Variants in TPTE2 observed in about 807,000 individuals in gnomAD.
TPTE2 encodes the protein phosphatidylinositol 3,4,5-trisphosphate 3-phosphatase TPTE2.
In TPTE2, 53 loss-of-function variants were observed where a neutral mutation model predicts 78.6. The ratio of observed to expected loss-of-function variants is 0.67; its 90% confidence interval spans 0.54 to 0.85. The LOEUF (loss-of-function observed/expected upper bound fraction) is 0.85, where lower values mean the gene tolerates loss of function less well. TPTE2 is among the 40% of genes least tolerant of loss of function. The pLI is 0.00. For synonymous variants in TPTE2, 175 were observed against 206.2 expected (o/e 0.85, Z 1.30); for missense variants, 461 against 623.0 (o/e 0.74, Z 2.77).
chr13:19,520,820 G>A (rs1870102585), intron 1 of TPTE2, among the ~76,000 whole-genome samples: 2 of 151,884 alleles, frequency 1.3e-5, no homozygotes, highest in South Asian at 2.1e-4. Context: ...CTCAAAATAT[G>A]TTCTGATTTC....
At chr13:19,558,482 C>T in the TPTE2 span, among the ~76,000 whole-genome samples, 1 of 152,172 alleles carries the variant, frequency 6.6e-6, no homozygotes, top group Admixed American at 6.6e-5. Flanking sequence ...TGTTGCACCT[C>T]GACAAGTGAA....
intron 1 of TPTE2, among the ~76,000 whole-genome samples, chr13:19,519,511 C>T (rs1033201143): frequency 3.9e-5 from 6 of 152,252 alleles, no homozygotes; most frequent in Non-Finnish European, 7.4e-5. Context: ...GATCCAGTTG[C>T]TCCAGCACCA....
chr13:19,464,598 T>A, intron 9 of TPTE2, 78 bp from the exon 13 acceptor site: 1 of 1,478,038 alleles, frequency 6.8e-7, no homozygotes, highest in South Asian at 1.3e-5. Context: ...TTATACATGA[T>A]CAGACTCCAT....
intron 13 of TPTE2, among the ~76,000 whole-genome samples, chr13:19,441,446 GA>G (rs200401914): frequency 4.0e-5 from 6 of 150,226 alleles, no homozygotes; most frequent in Non-Finnish European, 4.5e-5. Context: ...AGCTCAAAAA[GA>G]AAAAAAAGTA....
At chr13:19,515,400 C>A (rs774332510) in intron 1 of TPTE2, among the ~76,000 whole-genome samples, 55 of 152,266 alleles carry the variant, frequency 3.6e-4, no homozygotes, top group Non-Finnish European at 6.9e-4. Context: ...GAAAAGTTCT[C>A]CTACACAAAC....
rs1263909679 is a variant in TPTE2 at position 19,535,607 on chromosome 13, T to C, written c.-44+989A>G. 8.1e-6 allele frequency among the ~76,000 whole-genome samples: 1 copy of C among 123,124 alleles called. No individual in the cohort carries two copies. The highest frequency in any genetic ancestry group is 2.4e-4 in the East Asian group (1 of 4,112). 80.8% of individuals were successfully genotyped at this position (123,124 alleles called of 152,430 possible). A position where few individuals can be genotyped will look rare whatever the true frequency, so the allele number is the denominator to read the frequency against. Reference sequence around the variant, plus strand: ...GTTCTAAGTAATACTATCTCCAGGATTTTCTTATTTATTTATTTATTTATT... The same window carrying C: ...GTTCTAAGTAATACTATCTCCAGGACTTTCTTATTTATTTATTTATTTATT... On this transcript the variant is annotated intron_variant, in intron 1 of 17. Transcript: ENST00000390680. The surrounding 1 kb of genome is among the most constrained non-coding windows in gnomAD (Gnocchi z 5.1).
At chr13:19,426,595 T>A in intron 17 of TPTE2, 78 bp from the exon 21 acceptor site, 1 of 807,176 alleles carries the variant, frequency 1.2e-6, no homozygotes, top group Admixed American at 2.0e-5. Flanking sequence ...TATCATGACT[T>A]CCTGTATTTA....
chr13:19,456,019 T>C (rs1878517769), intron 10 of TPTE2, among the ~76,000 whole-genome samples: 1 of 152,176 alleles, frequency 6.6e-6, no homozygotes, highest in Admixed American at 6.5e-5. Context: ...TATTCAATAT[T>C]ACCGTGAAAG....
intron 13 of TPTE2, among the ~76,000 whole-genome samples, chr13:19,448,619 T>C (rs912423550): frequency 6.6e-6 from 1 of 152,044 alleles, no homozygotes; most frequent in Admixed American, 6.6e-5. Flanking sequence ...CAAAGAGATA[T>C]CCTCACACCT....
At chr13:19,530,010 T>C (rs1398981029) in intron 1 of TPTE2, among the ~76,000 whole-genome samples, 1 of 152,154 alleles carries the variant, frequency 6.6e-6, no homozygotes, top group African/African-American at 2.4e-5. Flanking sequence ...ACTCCAACAT[T>C]CCTGCATTTG....
intron 17 of TPTE2, among the ~76,000 whole-genome samples, chr13:19,429,840 T>C (rs937845450): frequency 6.6e-6 from 1 of 152,214 alleles, no homozygotes; most frequent in Non-Finnish European, 1.5e-5. Context: ...TAGGCATTTC[T>C]TCATTGTAGC....
intron 13 of TPTE2, among the ~76,000 whole-genome samples, chr13:19,447,223 A>C (rs79657960): frequency 2.0e-5 from 3 of 152,134 alleles, no homozygotes; most frequent in African/African-American, 7.2e-5. Context: ...CTCTAAACAA[A>C]CTTTAACAAA....
At chr13:19,465,691 G>T in intron 7 of TPTE2, 127 bp from the exon 11 acceptor site, 1 of 761,972 alleles carries the variant, frequency 1.3e-6, no homozygotes, top group Non-Finnish European at 2.1e-6. Flanking sequence ...CCTACCTGGG[G>T]GATATTTGGC....
intron 1 of TPTE2, among the ~76,000 whole-genome samples, chr13:19,496,196 T>A (rs1271722638): frequency 6.6e-6 from 1 of 152,168 alleles, no homozygotes; most frequent in African/African-American, 2.4e-5. Context: ...GTAAATTGCC[T>A]TACCCTTACA....
intron 1 of TPTE2, among the ~76,000 whole-genome samples, chr13:19,494,203 A>G (rs546899574): frequency 2.0e-5 from 3 of 152,320 alleles, no homozygotes; most frequent in Middle Eastern, 6.8e-3. Context: ...ACAGTAACAG[A>G]TGGAAGCCTC....
At chr13:19,459,116 A>T (rs1878726583) in intron 10 of TPTE2, among the ~76,000 whole-genome samples, 1 of 151,932 alleles carries the variant, frequency 6.6e-6, no homozygotes, top group South Asian at 2.1e-4. Flanking sequence ...AGCCATTCTG[A>T]CTGGCATGAG....
intron 3 of TPTE2, among the ~76,000 whole-genome samples, 174 bp downstream of exon 6, chr13:19,492,676 C>A (rs1881068493): frequency 6.6e-6 from 1 of 152,146 alleles, no homozygotes. Flanking sequence ...CCACAAATGT[C>A]CATCTGTCTC....
chr13:19,452,430 T>C (rs578148345), intron 10 of TPTE2, among the ~76,000 whole-genome samples: 1 of 152,256 alleles, frequency 6.6e-6, no homozygotes, highest in South Asian at 2.1e-4. Flanking sequence ...AAAAATTGAC[T>C]GAATGGGGAC....
chr13:19,475,374 T>G (rs1339241965), intron 5 of TPTE2, among the ~76,000 whole-genome samples, 199 bp downstream of exon 8: 1 of 152,128 alleles, frequency 6.6e-6, no homozygotes, highest in Non-Finnish European at 1.5e-5. Flanking sequence ...TACAGGCACC[T>G]GCCATTATGC....
Sources: gnomAD v4.1 joint callset for allele counts (sites outside exome capture counted in the v4.1 genomes callset) on GRCh38, gnomAD v4.1.1 for gene constraint, Gnocchi (gnomAD v3.1) non-coding constraint, MANE v1.5 for transcripts, NCBI Gene and HGNC (gene_info 2026-07-23, HGNC 2026-07-21) for gene names.